Variants in MRE11 observed in about 807,000 individuals in gnomAD.
MRE11 encodes MRE11 double strand break repair nuclease, also known as double-strand break repair protein MRE11.
MRE11 carries 62 observed loss-of-function variants against 91.7 expected under a neutral mutation model. The observed-to-expected ratio is 0.68, with a 90% CI of 0.55 to 0.84. MRE11 has a LOEUF of 0.84. Ranked by LOEUF, MRE11 falls within the 40% of genes least tolerant of loss-of-function variation. The pLI is 0.00. For synonymous variants in MRE11, 273 were observed against 271.4 expected (o/e 1.01, Z -0.06); for missense variants, 796 against 852.9 (o/e 0.93, Z 0.83).
At chr11:94,479,596 G>C in intron 5 of MRE11, 78 bp downstream of exon 5, 1 of 1,236,122 alleles carries the variant, frequency 8.1e-7, no homozygotes, top group Admixed American at 1.7e-5. Flanking sequence ...ATGAGAAAAA[G>C]GGAAGGCATG....
At chr11:94,485,354 T>C (rs1947113077) in intron 4 of MRE11, among the ~76,000 whole-genome samples, 1 of 151,654 alleles carries the variant, frequency 6.6e-6, no homozygotes, top group South Asian at 2.1e-4. Context: ...GAAAAACCAA[T>C]AGATTTAACT....
At chr11:94,470,380 A>G in intron 9 of MRE11, 91 bp downstream of exon 9, 1 of 1,273,164 alleles carries the variant, frequency 7.9e-7, no homozygotes, top group South Asian at 1.2e-5. Context: ...ATCAACATAA[A>G]GGCTTCCCTC....
intron 4 of MRE11, among the ~76,000 whole-genome samples, chr11:94,482,233 T>C (rs1330067936): frequency 6.6e-6 from 1 of 152,192 alleles, no homozygotes; most frequent in Admixed American, 6.5e-5. Flanking sequence ...CTCTGTAAGA[T>C]TGGCACATTT....
At chr11:94,423,233 T>C (rs1057264185) in intron 19 of MRE11, among the ~76,000 whole-genome samples, 1 of 152,076 alleles carries the variant, frequency 6.6e-6, no homozygotes, top group Non-Finnish European at 1.5e-5. Context: ...GGTTGCCCAA[T>C]GCCAGGGCTG....
At chr11:94,455,883 G>A (rs1241468185) in intron 14 of MRE11, among the ~76,000 whole-genome samples, 1 of 151,956 alleles carries the variant, frequency 6.6e-6, no homozygotes, top group East Asian at 1.9e-4. Context: ...CAATTAAATG[G>A]GTTTTATTTA....
chr11:94,426,339 C>A (rs1313806757), intron 19 of MRE11, among the ~76,000 whole-genome samples: 8 of 151,324 alleles, frequency 5.3e-5, no homozygotes, highest in Admixed American at 4.6e-4. Flanking sequence ...AATAGAATCA[C>A]AACTTACAAA....
In MRE11 at chr11:94,417,659, A is replaced by G. The variant is rs13447758; in HGVS notation, c.*2466T>C. The G allele has an allele frequency of 4.4e-3, 1,027 of 233,098 alleles. 15 individuals carry two copies. Among genetic ancestry groups the G allele is most frequent in the African/African-American group, 0.019 (885 of 45,484 alleles). The allele number at this position is 233,098 out of a possible 1,614,324, so 14.4% of individuals were successfully genotyped here. On this transcript the variant is annotated 3_prime_UTR_variant, in exon 20 of 20. Transcript: ENST00000323929. ...GAAAGGAGAAAACAATATAATGGGC[A>G]TCCAGGACACTGCGCTATTTCTTGA... is the stretch of plus-strand genomic sequence containing the variant.
Position 94,447,348 on chromosome 11 carries a change from CT to C in MRE11, c.1653del (p.Glu552AsnfsTer70). 2 of 1,614,090 alleles carry C rather than the reference CT, an allele frequency of 1.2e-6. No individual in the cohort carries two copies. The highest frequency in any genetic ancestry group is 1.7e-6 in the Non-Finnish European group (2 of 1,180,006). On this transcript the variant is annotated frameshift_variant, in exon 15 of 20. Transcript: ENST00000323929. LOFTEE classifies it high-confidence loss of function. ...TCATCAGAGTCATTAGCCATCTGTTCTGCTAAATCTATACTCATAAGGTCAT... is the reference window on the plus strand; with the variant it reads ...TCATCAGAGTCATTAGCCATCTGTTCGCTAAATCTATACTCATAAGGTCAT... ...SADDLMSIDL[A>X]EQMANDSDDS... is the part of the protein sequence containing the mutation.
intron 3 of MRE11, among the ~76,000 whole-genome samples, chr11:94,487,243 G>A (rs1417262390): frequency 6.6e-6 from 1 of 152,104 alleles, no homozygotes; most frequent in Admixed American, 6.5e-5. Context: ...TGGTTAACAA[G>A]GGAAATTTTA....
intron 14 of MRE11, among the ~76,000 whole-genome samples, chr11:94,453,528 G>A (rs1325915665): frequency 6.6e-6 from 1 of 152,122 alleles, no homozygotes; most frequent in African/African-American, 2.4e-5. Flanking sequence ...GTGTGAAGTG[G>A]TATCTCACTG....
At position 94,429,938 on chromosome 11, in the gene MRE11, C is replaced by T. The variant is rs876659873; in HGVS notation, c.2043G>A (p.Ser681=). ...SSKIMSQSQV[S]KGVDFESSED... ...CACTTGATTCAAAATCAACCCCTTT[C>T]GATACTTGACTCTGGGACATGATTT... Residue 681 remains serine (S), a synonymous_variant, in exon 19 of 20, where the codon TCG becomes TCA. Transcript: ENST00000323929. 16 of 1,613,738 alleles carry T rather than the reference C, an allele frequency of 9.9e-6. No individual in the cohort carries two copies. The highest frequency in any genetic ancestry group is 1.7e-4 in the Middle Eastern group (1 of 5,920).
chr11:94,460,561 ATT>A (rs1281564832), intron 12 of MRE11, among the ~76,000 whole-genome samples: 1 of 152,212 alleles, frequency 6.6e-6, no homozygotes, highest in Non-Finnish European at 1.5e-5. Flanking sequence ...TTAAACACTA[ATT>A]TTCTTTGATG....
At chr11:94,448,303 G>A (rs996739783) in intron 14 of MRE11, among the ~76,000 whole-genome samples, 4 of 151,822 alleles carry the variant, frequency 2.6e-5, no homozygotes, top group Admixed American at 6.6e-5. Context: ...AGGGCTGGGC[G>A]CAGTGGCTCA....
chr11:94,459,435 A>G lies in MRE11; in HGVS notation c.1473T>C (p.Asp491=). Residue 491 remains aspartate (D), a synonymous_variant, in exon 13 of 20, where the codon GAT becomes GAC. Coordinates refer to ENST00000323929, the MANE Select transcript of MRE11 (RefSeq NM_005591.4). ...CCTCATCGATTTTGTCTTCGAGGGC[A>G]TCAATATGACGTTCTTTAAGAAATC... ...TQRFLKERHI[D]ALEDKIDEEV... 2 of 1,614,048 alleles carry G rather than the reference A, an allele frequency of 1.2e-6. No homozygotes were observed. The highest frequency in any genetic ancestry group is 1.7e-6 in the Non-Finnish European group (2 of 1,179,930).
At chr11:94,457,468 A>AT (rs1346452479) in intron 13 of MRE11, among the ~76,000 whole-genome samples, 1 of 152,256 alleles carries the variant, frequency 6.6e-6, no homozygotes. Flanking sequence ...GCTGAAAGAA[A>AT]TAACAGCATG....
chr11:94,425,798 C>T (rs1945298282), intron 19 of MRE11, among the ~76,000 whole-genome samples: 1 of 152,176 alleles, frequency 6.6e-6, no homozygotes, highest in Non-Finnish European at 1.5e-5. Context: ...GAAGACCTAA[C>T]TATGCCAAAT....
At chr11:94,472,284 T>C (rs983874143) in intron 7 of MRE11, among the ~76,000 whole-genome samples, 9 of 152,206 alleles carry the variant, frequency 5.9e-5, no homozygotes, top group African/African-American at 2.2e-4. Flanking sequence ...ACTATGGTAT[T>C]ATACCTATAT....
At chr11:94,475,757 A>T in intron 7 of MRE11, 1 of 390,416 alleles carries the variant, frequency 2.6e-6, no homozygotes, top group Non-Finnish European at 5.0e-6. Context: ...GGTTTATAAA[A>T]GCAAAAAACT....
At chr11:94,506,143 C>G in the MRE11 span, among the ~76,000 whole-genome samples, 1 of 151,902 alleles carries the variant, frequency 6.6e-6, no homozygotes, top group African/African-American at 2.4e-5. Flanking sequence ...ATAACCCAAC[C>G]ATCCTGGATT....
Sources: allele counts gnomAD v4.1 joint callset (sites outside exome capture counted in the v4.1 genomes callset), GRCh38; gene constraint gnomAD v4.1.1; transcripts MANE v1.5; gene names NCBI Gene and HGNC (gene_info 2026-07-23, HGNC 2026-07-21).